The following UNC13C variants were observed in gnomAD, a reference collection of about 807,000 sequenced individuals.
The protein encoded by UNC13C is unc-13 homolog C.
Under a neutral mutation model 245.4 loss-of-function variants are expected in UNC13C, and 174 were observed. That is an observed-to-expected ratio of 0.71 (90% CI 0.63 to 0.80). The LOEUF (loss-of-function observed/expected upper bound fraction) is 0.80. UNC13C is among the 30% of genes least tolerant of loss of function. The pLI is 0.00. For synonymous variants in UNC13C, 992 were observed against 895.1 expected, an observed-to-expected ratio of 1.11 and a Z score of -1.93; for missense variants, 2,829 against 2,602.9, an observed-to-expected ratio of 1.09 and a Z score of -1.89.
intron 30 of UNC13C, among the ~76,000 whole-genome samples, chr15:54,577,894 G>T (rs902600128): frequency 6.6e-6 from 1 of 152,076 alleles, no homozygotes. Flanking sequence ...TCCTTCATAT[G>T]GGTCAAAGAT....
chr15:54,026,691 A>G (rs1162983187), intron 2 of UNC13C, among the ~76,000 whole-genome samples: 1 of 152,176 alleles, frequency 6.6e-6, no homozygotes, highest in Non-Finnish European at 1.5e-5. Flanking sequence ...GATTAGTTCC[A>G]TTGGCTACAG....
At chr15:53,840,839 G>A in the UNC13C span, among the ~76,000 whole-genome samples, 5 of 152,040 alleles carry the variant, frequency 3.3e-5, no homozygotes, top group Admixed American at 3.3e-4. Flanking sequence ...TAGCATGTAC[G>A]CCATGGCCTC....
At chr15:54,298,077 T>C (rs1016898279) in intron 12 of UNC13C, among the ~76,000 whole-genome samples, 151 bp downstream of exon 12, 3 of 152,258 alleles carry the variant, frequency 2.0e-5, no homozygotes, top group Middle Eastern at 3.4e-3. Context: ...TACTAAGATA[T>C]CATAAATTCT....
intron 10 of UNC13C, among the ~76,000 whole-genome samples, chr15:54,285,712 T>G (rs1018579453): frequency 2.0e-5 from 3 of 152,172 alleles, no homozygotes; most frequent in Non-Finnish European, 4.4e-5. Flanking sequence ...AAACTACATT[T>G]TTTATTGTAA....
At chr15:54,579,686 A>G (rs1448143154) in intron 30 of UNC13C, among the ~76,000 whole-genome samples, 1 of 152,110 alleles carries the variant, frequency 6.6e-6, no homozygotes, top group Non-Finnish European at 1.5e-5. Flanking sequence ...TTGAACCTGG[A>G]AGGCAGAGGT....
intron 17 of UNC13C, among the ~76,000 whole-genome samples, chr15:54,362,414 T>C (rs937710273): frequency 6.6e-6 from 1 of 152,180 alleles, no homozygotes; most frequent in African/African-American, 2.4e-5. Context: ...GGTCATGCCT[T>C]CTCTCGATAC....
chr15:54,205,347 T>G (rs2034673709), intron 4 of UNC13C, among the ~76,000 whole-genome samples: 1 of 152,052 alleles, frequency 6.6e-6, no homozygotes, highest in South Asian at 2.1e-4. Flanking sequence ...TTTCTTTCTG[T>G]GCTATCCTAA....
chr15:54,355,734 T>A (rs2039080644), intron 17 of UNC13C, among the ~76,000 whole-genome samples: 1 of 151,620 alleles, frequency 6.6e-6, no homozygotes, highest in East Asian at 1.9e-4. Context: ...ATTTAAAAGA[T>A]TTTTTTTTAA....
At chr15:53,866,854 C>A in the UNC13C span, among the ~76,000 whole-genome samples, 1 of 152,080 alleles carries the variant, frequency 6.6e-6, no homozygotes, top group African/African-American at 2.4e-5. Flanking sequence ...AACACAGAAC[C>A]AAAAATATGT....
chr15:53,930,388 C>T, the UNC13C span, among the ~76,000 whole-genome samples: 1 of 152,142 alleles, frequency 6.6e-6, no homozygotes, highest in Non-Finnish European at 1.5e-5. Flanking sequence ...TAATCTTTAC[C>T]TCTTGATGGA....
At chr15:54,188,227 A>G (rs921003119) in intron 4 of UNC13C, among the ~76,000 whole-genome samples, 1 of 152,152 alleles carries the variant, frequency 6.6e-6, no homozygotes, top group South Asian at 2.1e-4. Context: ...TATTTAAACT[A>G]AGTAGAAAAC....
intron 14 of UNC13C, 93 bp downstream of exon 14, chr15:54,322,188 T>C (rs2038180940): frequency 9.5e-6 from 12 of 1,266,588 alleles, no homozygotes; most frequent in South Asian, 3.4e-5. Context: ...TGGAATCTTA[T>C]TGCAGAAAGG....
At chr15:54,334,403 C>T (rs2038520069) in intron 16 of UNC13C, among the ~76,000 whole-genome samples, 1 of 152,080 alleles carries the variant, frequency 6.6e-6, no homozygotes, top group South Asian at 2.1e-4. Flanking sequence ...TTTCGGCAGT[C>T]ATAGTTCTGG....
At chr15:54,406,880 T>C (rs1213018946) in intron 18 of UNC13C, among the ~76,000 whole-genome samples, 1 of 152,138 alleles carries the variant, frequency 6.6e-6, no homozygotes, top group Non-Finnish European at 1.5e-5. Context: ...AGAGAGAGGT[T>C]ATTATCTCAT....
At chr15:54,511,708 A>G (rs369210199) in intron 23 of UNC13C, 45 bp from the exon 24 acceptor site, 13 of 1,352,496 alleles carry the variant, frequency 9.6e-6, no homozygotes, top group Non-Finnish European at 5.1e-6. Flanking sequence ...CAATAATTTT[A>G]TATAAAAAGA....
the UNC13C span, among the ~76,000 whole-genome samples, chr15:53,933,383 G>A: frequency 6.6e-6 from 1 of 151,956 alleles, no homozygotes; most frequent in Non-Finnish European, 1.5e-5. Flanking sequence ...CTTAAAAACT[G>A]TCAACATGTA....
intron 8 of UNC13C, among the ~76,000 whole-genome samples, chr15:54,260,943 A>G (rs74221561): frequency 0.024 from 3,726 of 152,110 alleles, 80 homozygotes; most frequent in East Asian, 0.072. Flanking sequence ...ATAAAAATTA[A>G]AGAAAAATGA....
chr15:54,427,051 A>C (rs1359695487), intron 19 of UNC13C, among the ~76,000 whole-genome samples: 1 of 151,818 alleles, frequency 6.6e-6, no homozygotes, highest in African/African-American at 2.4e-5. Context: ...CTACAAATTC[A>C]ATTTTTCTAC....
chr15:54,518,517 T>A (rs58025043), intron 24 of UNC13C, among the ~76,000 whole-genome samples: 7,817 of 152,264 alleles, frequency 0.051, 338 homozygotes, highest in Admixed American at 0.12. Context: ...CTATAATAAA[T>A]CTATTTCATT....
Sources: allele counts gnomAD v4.1 joint callset (sites outside exome capture counted in the v4.1 genomes callset), GRCh38; gene constraint gnomAD v4.1.1; transcripts MANE v1.5; gene names NCBI Gene and HGNC (gene_info 2026-07-23, HGNC 2026-07-21).